The following MYO1E variants were observed in gnomAD, a reference collection of about 807,000 sequenced individuals.
The protein encoded by MYO1E is unconventional myosin-Ie.
In MYO1E, 68 loss-of-function variants were observed where a neutral mutation model predicts 151.1. The observed-to-expected ratio is 0.45, with a 90% CI of 0.37 to 0.55. The LOEUF is 0.55. Ranked by LOEUF, MYO1E falls within the 20% of genes least tolerant of loss-of-function variation. The pLI is 0.00. For synonymous variants in MYO1E, 601 were observed against 501.7 expected, an observed-to-expected ratio of 1.20 and a Z score of -2.64; for missense variants, 1,363 against 1,389.3, an observed-to-expected ratio of 0.98 and a Z score of 0.30.
intron 1 of MYO1E, among the ~76,000 whole-genome samples, chr15:59,305,628 C>T (rs552229664): frequency 5.3e-5 from 8 of 152,328 alleles, no homozygotes; most frequent in African/African-American, 1.7e-4. Flanking sequence ...TTGTCTCTTC[C>T]TCTATTCAGA....
chr15:59,164,337 G>A (rs1251661511), intron 22 of MYO1E, among the ~76,000 whole-genome samples: 1 of 152,166 alleles, frequency 6.6e-6, no homozygotes, highest in African/African-American at 2.4e-5. Flanking sequence ...ATTTCGTTAG[G>A]GATTGTAAGC....
rs139007754 is a variant in MYO1E at position 59,200,342 on chromosome 15, A to C, written c.1698+1984T>G. ...GGCATGAGTCAGACACTTCACGCAG[A>C]CATTAATATCTGGGCCTCATGAGAA... On this transcript the variant is annotated intron_variant, in intron 16 of 27. Transcript: ENST00000288235. 6.2e-3 allele frequency among the ~76,000 whole-genome samples: 947 copies of C among 152,330 alleles called. 16 individuals are homozygous for C. The highest frequency in any genetic ancestry group is 0.021 in the African/African-American group (880 of 41,570).
intron 1 of MYO1E, among the ~76,000 whole-genome samples, chr15:59,280,943 C>T (rs920103202): frequency 5.3e-5 from 8 of 152,242 alleles, no homozygotes; most frequent in Admixed American, 3.3e-4. Context: ...GTTTTAGAGG[C>T]TTTGTTGCAG....
chr15:59,170,378 G>A (rs142050509), intron 22 of MYO1E, among the ~76,000 whole-genome samples: 29 of 152,302 alleles, frequency 1.9e-4, no homozygotes, highest in South Asian at 1.9e-3. Flanking sequence ...CAAGCACGCT[G>A]TGGCCAACCT....
chr15:59,183,218 T>C lies in MYO1E; in HGVS notation c.1905-4681A>G, dbSNP rs146240908. On this transcript the variant is annotated intron_variant, in intron 18 of 27. Transcript: ENST00000288235. ...TCCTGAGATGGCAGCACTCTCAGCA[T>C]TGTTTATGGAAGTCAGTTTGGTTGG... Among the ~76,000 whole-genome samples the C allele has an allele frequency of 8.6e-3, 1,311 of 152,250 alleles. 12 individuals are homozygous for C. Among genetic ancestry groups the C allele is most frequent in the African/African-American group, 0.03 (1,241 of 41,542 alleles).
intron 26 of MYO1E, among the ~76,000 whole-genome samples, chr15:59,140,503 C>T (rs938560993): frequency 6.6e-6 from 1 of 152,210 alleles, no homozygotes; most frequent in African/African-American, 2.4e-5. Flanking sequence ...ATTTCTCCCT[C>T]AAGAAGTTGG....
chr15:59,299,501 T>G (rs1207541539), intron 1 of MYO1E, among the ~76,000 whole-genome samples: 2 of 152,230 alleles, frequency 1.3e-5, no homozygotes, highest in African/African-American at 4.8e-5. Flanking sequence ...GATAGGATGA[T>G]GTTTTAAAAA....
At chr15:59,282,495 C>T (rs1216318978) in intron 1 of MYO1E, among the ~76,000 whole-genome samples, 2 of 152,058 alleles carry the variant, frequency 1.3e-5, no homozygotes, top group Admixed American at 6.6e-5. Flanking sequence ...TGTCCTCTTT[C>T]CCTCACAAAC....
intron 7 of MYO1E, among the ~76,000 whole-genome samples, chr15:59,225,045 T>C (rs1397229176): frequency 6.6e-6 from 1 of 152,248 alleles, no homozygotes; most frequent in African/African-American, 2.4e-5. Context: ...GATTTTCCAT[T>C]GTCCACTGAA....
intron 1 of MYO1E, among the ~76,000 whole-genome samples, chr15:59,304,253 G>A (rs1164715030): frequency 2.0e-5 from 3 of 152,112 alleles, no homozygotes; most frequent in Admixed American, 6.5e-5. Flanking sequence ...ACAGTGCTGC[G>A]ATTACAGGCG....
chr15:59,256,985 T>C (rs74781570), intron 3 of MYO1E, among the ~76,000 whole-genome samples: 1,574 of 152,250 alleles, frequency 0.01, 32 homozygotes, highest in African/African-American at 0.036. Flanking sequence ...TTCATCTCTA[T>C]TGGAAAAAAA....
intron 26 of MYO1E, among the ~76,000 whole-genome samples, chr15:59,150,099 GC>G (rs2079467103): frequency 6.6e-6 from 1 of 152,200 alleles, no homozygotes; most frequent in Non-Finnish European, 1.5e-5. Context: ...TGAGCCTTTT[GC>G]CCAAGGTACT....
chr15:59,144,599 G>A (rs965340147), intron 26 of MYO1E, among the ~76,000 whole-genome samples: 24 of 151,898 alleles, frequency 1.6e-4, no homozygotes, highest in African/African-American at 5.3e-4. Flanking sequence ...CGGGTTCCAG[G>A]TCTTTTTTCT....
intron 9 of MYO1E, among the ~76,000 whole-genome samples, chr15:59,221,939 T>C (rs2079958776): frequency 6.6e-6 from 1 of 152,224 alleles, no homozygotes; most frequent in South Asian, 2.1e-4. Flanking sequence ...ATGATCCTAC[T>C]GGAAATATAT....
intron 22 of MYO1E, among the ~76,000 whole-genome samples, chr15:59,165,801 T>C (rs530741305): frequency 8.5e-5 from 13 of 152,280 alleles, no homozygotes; most frequent in East Asian, 5.8e-4. Flanking sequence ...CTGCATTAGG[T>C]AGAGTGCATG....
At chr15:59,359,245 G>T (rs564273354) in intron 1 of MYO1E, among the ~76,000 whole-genome samples, 1 of 149,406 alleles carries the variant, frequency 6.7e-6, no homozygotes, top group South Asian at 2.1e-4. Flanking sequence ...GAGCAACAAA[G>T]TGAGACCCTG....
At chr15:59,224,313 T>C (rs146994705) in intron 8 of MYO1E, among the ~76,000 whole-genome samples, 23 of 152,352 alleles carry the variant, frequency 1.5e-4, no homozygotes, top group African/African-American at 5.3e-4. Flanking sequence ...CGTTCCAAAA[T>C]GTCTAAACCT....
intron 1 of MYO1E, among the ~76,000 whole-genome samples, chr15:59,340,579 T>C (rs1201941775): frequency 1.3e-5 from 2 of 152,238 alleles, no homozygotes; most frequent in Non-Finnish European, 2.9e-5. Context: ...ATGACATGTT[T>C]ACAATTGCCT....
chr15:59,342,409 T>G (rs1020185111), intron 1 of MYO1E, among the ~76,000 whole-genome samples: 1 of 152,230 alleles, frequency 6.6e-6, no homozygotes, highest in African/African-American at 2.4e-5. Flanking sequence ...CCAAAAAATC[T>G]TTGCTTAGAC....
Sources: allele counts gnomAD v4.1 joint callset (sites outside exome capture counted in the v4.1 genomes callset), GRCh38; gene constraint gnomAD v4.1.1; transcripts MANE v1.5; gene names NCBI Gene and HGNC (gene_info 2026-07-23, HGNC 2026-07-21).